Variants in MYLK observed in about 807,000 individuals in gnomAD.
MYLK encodes the protein myosin light chain kinase.
In MYLK, 106 loss-of-function variants were observed where a neutral mutation model predicts 203.4. The observed-to-expected ratio is 0.52, with a 90% CI of 0.45 to 0.61. The LOEUF is 0.61. Ranked by LOEUF, MYLK falls within the 20% of genes least tolerant of loss-of-function variation. The probability of loss-of-function intolerance (pLI) is 0.00; values close to 1 mark genes in which losing one functional copy is unlikely to be tolerated. For missense variants in MYLK, 2,072 were observed against 2,442.3 expected, an observed-to-expected ratio of 0.85 and a Z score of 3.20; for synonymous variants, 867 against 959.5, an observed-to-expected ratio of 0.90 and a Z score of 1.78.
intron 23 of MYLK, chr3:123,659,803 T>A (rs535558538): frequency 2.9e-5 from 12 of 416,384 alleles, no homozygotes; most frequent in African/African-American, 2.2e-4. Flanking sequence ...AGACTCCACA[T>A]TTCCTCTGAA....
chr3:123,817,786 C>T (rs2065797992), intron 3 of MYLK, among the ~76,000 whole-genome samples: 1 of 152,168 alleles, frequency 6.6e-6, no homozygotes, highest in Non-Finnish European at 1.5e-5. Context: ...CTAACTCCTC[C>T]AGATCCTTAG....
At chr3:123,667,654 C>T (rs1443599154) in intron 20 of MYLK, among the ~76,000 whole-genome samples, 1 of 151,706 alleles carries the variant, frequency 6.6e-6, no homozygotes, top group Non-Finnish European at 1.5e-5. Flanking sequence ...TTTGAGAGAT[C>T]ACTTTGCCCT....
rs192390557 is a variant in MYLK, at chr3:123,854,450, T to C, written c.-127+22109A>G. On this transcript the variant is annotated intron_variant, in intron 2 of 33. Coordinates refer to ENST00000360304, the MANE Select transcript of MYLK (RefSeq NM_053025.4). The stretch of plus-strand genomic sequence containing the variant: ...ATGTTTTTCAAACCATACACACTTA[T>C]GAATTTTTTGCATAGCTAACAAATA... Among the ~76,000 whole-genome samples the C allele has an allele frequency of 2.4e-3, 363 of 152,316 alleles. 1 individual carries two copies. The highest frequency in any genetic ancestry group is 8.3e-3 in the African/African-American group (344 of 41,582).
chr3:123,732,873 G>A (rs975095463), intron 11 of MYLK, 23 bp downstream of exon 11: 3 of 1,608,682 alleles, frequency 1.9e-6, no homozygotes, highest in Non-Finnish European at 2.6e-6. Context: ...AGAATGCGGG[G>A]TGACCTGGAG....
intron 4 of MYLK, among the ~76,000 whole-genome samples, chr3:123,782,958 GCA>G (rs1160345267): frequency 6.6e-6 from 1 of 152,166 alleles, no homozygotes; most frequent in Admixed American, 6.5e-5. Flanking sequence ...ATCAGAGTGT[GCA>G]CAGTGTTTGT....
chr3:123,783,197 G>A (rs1393702395), intron 4 of MYLK, among the ~76,000 whole-genome samples: 2 of 152,090 alleles, frequency 1.3e-5, no homozygotes, highest in Non-Finnish European at 2.9e-5. Context: ...AAGTTATAGT[G>A]TCAAAAGCAG....
At chr3:123,800,504 G>C (rs116638507) in intron 3 of MYLK, among the ~76,000 whole-genome samples, 1,565 of 152,240 alleles carry the variant, frequency 0.01, 31 homozygotes, top group African/African-American at 0.035. Flanking sequence ...GAACTGCACT[G>C]ATGAGGCCCA....
intron 3 of MYLK, among the ~76,000 whole-genome samples, chr3:123,816,771 G>C (rs576080253): frequency 3.9e-5 from 6 of 152,336 alleles, no homozygotes; most frequent in Admixed American, 2.6e-4. Flanking sequence ...GGCTGAGTTG[G>C]GGGGAGCAGA....
chr3:123,626,101 G>T (rs1042052335), intron 31 of MYLK, among the ~76,000 whole-genome samples: 5 of 152,150 alleles, frequency 3.3e-5, no homozygotes, highest in African/African-American at 4.8e-5. Context: ...GCCTCCTAGG[G>T]TTAAAAGATT....
chr3:123,676,279 G>A (rs2060070093), intron 20 of MYLK, among the ~76,000 whole-genome samples: 1 of 152,184 alleles, frequency 6.6e-6, no homozygotes, highest in African/African-American at 2.4e-5. Context: ...GAGTAACTGG[G>A]AGTTGGTGCC....
intron 2 of MYLK, among the ~76,000 whole-genome samples, chr3:123,859,625 C>T (rs895715158): frequency 1.4e-4 from 22 of 152,180 alleles, no homozygotes; most frequent in Non-Finnish European, 3.2e-4. Flanking sequence ...AAAGAACTGT[C>T]CATATACCAC....
chr3:123,811,585 G>A (rs149640111), intron 3 of MYLK, among the ~76,000 whole-genome samples: 82 of 152,292 alleles, frequency 5.4e-4, no homozygotes, highest in African/African-American at 1.9e-3. Flanking sequence ...CGGGGACACT[G>A]TGCTAAACAA....
rs145190401 is a variant in MYLK at position 123,744,045 on chromosome 3, C to T, written c.374-4044G>A. 4.9e-4 allele frequency among the ~76,000 whole-genome samples: 73 copies of T among 149,800 alleles called. No homozygotes were observed. The East Asian group carries it at 0.014, about 28-fold the overall frequency. ...GATTACTTAAAATAGTGGTTCTCCA[C>T]TCTATCAGAACAAATATCCGCTTTT... On this transcript the variant is annotated intron_variant, in intron 5 of 33. Coordinates refer to ENST00000360304, the MANE Select transcript of MYLK (RefSeq NM_053025.4).
chr3:123,733,082 C>T lies in MYLK; in HGVS notation c.1330G>A (p.Glu444Lys), dbSNP rs766381045. ...GTGCCTTCCAGGAACCAGGCCACTT[C>T]AGGCTTTGGAATCCCGGAAACTACA... ...RCEVSGIPKP[E>K]VAWFLEGTPV... is the part of the protein sequence containing the mutation. The change falls in exon 11 of 34, where the codon GAA (glutamate) becomes AAA (lysine). Residue 444 changes from glutamate (E) to lysine (K), a missense_variant. By Grantham distance (56) the Glu-to-Lys change is moderately conservative. This residue lies in a region of MYLK where 683 missense variants were observed against 643.8 expected (regional missense o/e 1.06). Coordinates refer to ENST00000360304, the MANE Select transcript of MYLK (RefSeq NM_053025.4). 5.6e-6 allele frequency: 9 copies of T among 1,613,992 alleles called. No homozygotes were observed. The Middle Eastern group carries it at 1.2e-3, about 207-fold the overall frequency.
intron 30 of MYLK, among the ~76,000 whole-genome samples, chr3:123,628,606 C>A (rs905126966): frequency 5.3e-5 from 8 of 152,156 alleles, no homozygotes; most frequent in Non-Finnish European, 8.8e-5. Flanking sequence ...CACCTGAGTC[C>A]CACTGCTCCC....
intron 2 of MYLK, among the ~76,000 whole-genome samples, chr3:123,853,696 T>C (rs2031077037): frequency 6.6e-6 from 1 of 152,148 alleles, no homozygotes; most frequent in South Asian, 2.1e-4. Flanking sequence ...CATATCTGAA[T>C]GTGATAAAAT....
At chr3:123,820,811 C>A (rs959693385) in intron 3 of MYLK, among the ~76,000 whole-genome samples, 9 of 152,156 alleles carry the variant, frequency 5.9e-5, no homozygotes, top group Admixed American at 2.0e-4. Flanking sequence ...GCAACCTCTG[C>A]CTCCCAGGTT....
intron 4 of MYLK, among the ~76,000 whole-genome samples, chr3:123,776,542 C>A (rs1560202953): frequency 6.6e-6 from 1 of 152,038 alleles, no homozygotes; most frequent in Non-Finnish European, 1.5e-5. Context: ...TAACTGCCAA[C>A]AGAGGAATGA....
intron 9 of MYLK, 24 bp from the exon 10 acceptor site, chr3:123,734,246 T>C (rs1187269177): frequency 7.1e-7 from 1 of 1,415,800 alleles, no homozygotes; most frequent in Non-Finnish European, 9.3e-7. Context: ...AGGGTGGGGG[T>C]AGGGTGGGTG....
Sources: gnomAD v4.1 joint callset for allele counts (sites outside exome capture counted in the v4.1 genomes callset) on GRCh38, gnomAD v4.1.1 for gene constraint, gnomAD v4.1.1 regional missense constraint, MANE v1.5 for transcripts, NCBI Gene and HGNC (gene_info 2026-07-23, HGNC 2026-07-21) for gene names.